Variants in KCNQ3 observed in about 807,000 individuals in gnomAD.
KCNQ3 encodes potassium voltage-gated channel subfamily KQT member 3.
A neutral mutation model predicts 92.5 loss-of-function variants in KCNQ3; 30 were observed. The observed-to-expected ratio is 0.32, with a 90% CI of 0.24 to 0.44. The LOEUF (loss-of-function observed/expected upper bound fraction) is 0.44. KCNQ3 is among the 20% of genes least tolerant of loss of function. KCNQ3 has a pLI of 1.00. For synonymous variants in KCNQ3, 450 were observed against 468.8 expected (o/e 0.96, Z 0.52); for missense variants, 913 against 1,140.3 (o/e 0.80, Z 2.87).
rs375099145 is a variant in KCNQ3 at position 132,403,016 on chromosome 8, C to CAAAAAAAAAAAAAAAAAAAAAAAAAAAAA, written c.386+77130_386+77131insTTTTTTTTTTTTTTTTTTTTTTTTTTTTT. Among the ~76,000 whole-genome samples, 52 of 67,620 alleles carry CAAAAAAAAAAAAAAAAAAAAAAAAAAAAA rather than the reference C, an allele frequency of 7.7e-4. 1 individual carries two copies. Among genetic ancestry groups the CAAAAAAAAAAAAAAAAAAAAAAAAAAAAA allele is most frequent in the East Asian group, 1.9e-3 (4 of 2,150 alleles). The allele number at this position is 67,620 out of a possible 152,430, so 44.4% of individuals were successfully genotyped here. A position where few individuals can be genotyped will look rare whatever the true frequency, so the allele number is the denominator to read the frequency against. On this transcript the variant is annotated intron_variant, in intron 1 of 14. Coordinates refer to ENST00000388996, the MANE Select transcript of KCNQ3 (RefSeq NM_004519.4). ...CTGGCAACAGGGCGAGGCACCATCA[C>CAAAAAAAAAAAAAAAAAAAAAAAAAAAAA]AAAAAAAAAAAAAAAAGTGTCAATA...
At chr8:132,155,261 C>G (rs1053290370) in intron 9 of KCNQ3, among the ~76,000 whole-genome samples, 1 of 152,104 alleles carries the variant, frequency 6.6e-6, no homozygotes, top group African/African-American at 2.4e-5. Flanking sequence ...AAAAGCAGAG[C>G]TCTTAATGCT....
chr8:132,341,468 T>C (rs981864477), intron 1 of KCNQ3, among the ~76,000 whole-genome samples: 1 of 152,244 alleles, frequency 6.6e-6, no homozygotes, highest in African/African-American at 2.4e-5. Flanking sequence ...CATTCTACCT[T>C]GCATCACAAT....
chr8:132,197,231 T>C (rs1359284222), intron 1 of KCNQ3, among the ~76,000 whole-genome samples: 1 of 152,200 alleles, frequency 6.6e-6, no homozygotes, highest in African/African-American at 2.4e-5. Context: ...GCTCTACGCA[T>C]GCCATATTTG....
At chr8:132,327,122 A>G (rs908772026) in intron 1 of KCNQ3, among the ~76,000 whole-genome samples, 1 of 152,190 alleles carries the variant, frequency 6.6e-6, no homozygotes, top group African/African-American at 2.4e-5. Context: ...GTCTATGTGC[A>G]AGGCATGGAG....
intron 1 of KCNQ3, among the ~76,000 whole-genome samples, chr8:132,328,038 T>C (rs1272174733): frequency 2.0e-5 from 3 of 152,148 alleles, no homozygotes; most frequent in Non-Finnish European, 4.4e-5. Flanking sequence ...GCATGGGTGA[T>C]GAGCAGGATG....
chr8:132,196,359 C>A (rs957587806), intron 1 of KCNQ3, among the ~76,000 whole-genome samples: 2 of 152,194 alleles, frequency 1.3e-5, no homozygotes, highest in Non-Finnish European at 2.9e-5. Flanking sequence ...TTAGAAAAAT[C>A]CTTTTGTGCA....
intron 7 of KCNQ3, among the ~76,000 whole-genome samples, chr8:132,171,605 T>A (rs1253609657): frequency 6.6e-6 from 1 of 152,198 alleles, no homozygotes; most frequent in East Asian, 1.9e-4. Flanking sequence ...CATGGTTGTC[T>A]ACTGGGCAGC....
At chr8:132,461,329 C>T (rs2597345) in intron 1 of KCNQ3, among the ~76,000 whole-genome samples, 138,569 of 152,180 alleles carry the variant, frequency 0.91, 63,142 homozygotes, top group East Asian at 0.94. Context: ...TTTGGGAGGC[C>T]GAGGCGGGTA....
At chr8:132,353,115 A>G (rs1818922069) in intron 1 of KCNQ3, among the ~76,000 whole-genome samples, 1 of 152,070 alleles carries the variant, frequency 6.6e-6, no homozygotes, top group Non-Finnish European at 1.5e-5. Flanking sequence ...AATCCTAGCT[A>G]CTCAGGAGGC....
At chr8:132,302,673 G>A (rs1817256507) in intron 1 of KCNQ3, among the ~76,000 whole-genome samples, 1 of 152,212 alleles carries the variant, frequency 6.6e-6, no homozygotes, top group Non-Finnish European at 1.5e-5. Context: ...GAGGCCATCA[G>A]AATGTTCTCT....
rs529243239 is a variant in KCNQ3, at chr8:132,318,618, C to T, written c.387-132437G>A. On this transcript the variant is annotated intron_variant, in intron 1 of 14. Coordinates refer to ENST00000388996, the MANE Select transcript of KCNQ3 (RefSeq NM_004519.4). The stretch of plus-strand genomic sequence containing the variant: ...TTTGGTGTTGCAGCTCGCTTGTCAG[C>T]GATGCTGGGAGGTGCCTCATTTTCT... Among the ~76,000 whole-genome samples, 230 of 152,244 alleles carry T rather than the reference C, an allele frequency of 1.5e-3. 2 individuals carry two copies. The highest frequency in any genetic ancestry group is 2.2e-3 in the Non-Finnish European group (149 of 68,028).
intron 1 of KCNQ3, among the ~76,000 whole-genome samples, chr8:132,465,972 G>A (rs887856820): frequency 2.0e-5 from 3 of 151,916 alleles, no homozygotes; most frequent in East Asian, 1.9e-4. Flanking sequence ...GAAAGAACTC[G>A]CCTGTTTTAT....
rs73346002 is a variant in KCNQ3 at position 132,403,064 on chromosome 8, T to C, written c.386+77083A>G. 6.7e-3 allele frequency among the ~76,000 whole-genome samples: 875 copies of C among 129,864 alleles called. 12 individuals are homozygous for C. Among genetic ancestry groups the C allele is most frequent in the African/African-American group, 0.022 (750 of 33,614 alleles). 85.2% of individuals were successfully genotyped at this position (129,864 alleles called of 152,430 possible). A position where few individuals can be genotyped will look rare whatever the true frequency, so the allele number is the denominator to read the frequency against. On this transcript the variant is annotated intron_variant, in intron 1 of 14. Coordinates refer to ENST00000388996, the MANE Select transcript of KCNQ3 (RefSeq NM_004519.4). ...ATATTGGTATGTCAATTGTAACAAATGTACCATACTAATGCAGAAAGTTAA... is the reference window on the plus strand; with the variant it reads ...ATATTGGTATGTCAATTGTAACAAACGTACCATACTAATGCAGAAAGTTAA...
In KCNQ3 at chr8:132,187,436, T is replaced by C. The variant is rs1417919591; in HGVS notation, c.387-1255A>G. ...TGCCTCTGACCCTTAGTGATCCTGA[T>C]CATATTTTCTGATCTATAAACCTGC... On this transcript the variant is annotated intron_variant, in intron 1 of 14. Transcript: ENST00000388996. 2.0e-5 allele frequency among the ~76,000 whole-genome samples: 3 copies of C among 152,290 alleles called. No individual in the cohort carries two copies. In the East Asian group the frequency reaches 5.8e-4, roughly 29 times the overall value.
intron 1 of KCNQ3, among the ~76,000 whole-genome samples, chr8:132,466,362 G>C (rs1444084849): frequency 6.6e-6 from 1 of 151,350 alleles, no homozygotes; most frequent in African/African-American, 2.4e-5. Context: ...ACCAGAGGAC[G>C]ACTACCAGTT....
At chr8:132,303,968 G>A (rs896327033) in intron 1 of KCNQ3, among the ~76,000 whole-genome samples, 6 of 151,706 alleles carry the variant, frequency 4.0e-5, no homozygotes, top group Non-Finnish European at 1.5e-5. Context: ...ATATTACTCA[G>A]CCATAAAAAG....
At chr8:132,335,492 A>G (rs926201379) in intron 1 of KCNQ3, among the ~76,000 whole-genome samples, 1 of 152,110 alleles carries the variant, frequency 6.6e-6, no homozygotes, top group African/African-American at 2.4e-5. Context: ...CAGGCCAAAG[A>G]GTGTGATAAC....
At chr8:132,355,678 G>T (rs908834498) in intron 1 of KCNQ3, among the ~76,000 whole-genome samples, 1 of 152,152 alleles carries the variant, frequency 6.6e-6, no homozygotes, top group East Asian at 1.9e-4. Context: ...ATGCTGGTGG[G>T]ATCTGAGTGT....
chr8:132,237,450 A>G (rs1200243839), intron 1 of KCNQ3, among the ~76,000 whole-genome samples: 1 of 152,190 alleles, frequency 6.6e-6, no homozygotes, highest in Non-Finnish European at 1.5e-5. Flanking sequence ...AGGAACAGAC[A>G]CCTTAATTAT....
Sources: gnomAD v4.1 joint callset for allele counts (sites outside exome capture counted in the v4.1 genomes callset) on GRCh38, gnomAD v4.1.1 for gene constraint, MANE v1.5 for transcripts, NCBI Gene and HGNC (gene_info 2026-07-23, HGNC 2026-07-21) for gene names.